CHD9: variants seen among roughly 807,000 people sequenced by gnomAD.
The protein encoded by CHD9 is chromodomain helicase DNA binding protein 9.
A neutral mutation model predicts 316.1 loss-of-function variants in CHD9; 77 were observed. That is an observed-to-expected ratio of 0.24 (90% CI 0.20 to 0.29). The LOEUF is 0.29. CHD9 is among the 10% of genes least tolerant of loss of function. The pLI is 1.00. For missense variants in CHD9, 2,763 were observed against 3,438.1 expected (o/e 0.80, Z 4.91); for synonymous variants, 1,129 against 1,158.3 (o/e 0.97, Z 0.51).
chr16:53,115,807 T>C (rs1414231028), intron 1 of CHD9, among the ~76,000 whole-genome samples: 3 of 152,146 alleles, frequency 2.0e-5, no homozygotes, highest in South Asian at 4.1e-4. Flanking sequence ...AGGACTGCGG[T>C]TAAGTGTTAG....
intron 27 of CHD9, among the ~76,000 whole-genome samples, chr16:53,289,856 T>C (rs549351911): frequency 6.6e-6 from 1 of 152,222 alleles, no homozygotes; most frequent in Admixed American, 6.5e-5. Flanking sequence ...TGGCTGTAAA[T>C]CTGCCCTGTA....
rs867085947 is a variant in CHD9 at position 53,229,096 on chromosome 16, C to T, written c.2282C>T (p.Ala761Val). The T allele has an allele frequency of 6.5e-7, 1 of 1,533,504 alleles. No homozygotes were observed. Among genetic ancestry groups the T allele is most frequent in the Non-Finnish European group, 8.9e-7 (1 of 1,124,902 alleles). The allele number at this position is 1,533,504 out of a possible 1,614,324, so 95.0% of individuals were successfully genotyped here. ...CAAGCACAAAGAGCACATTTTTTTG[C>T]AGACGTAAGAAAAAAATAAATAAGA... is the stretch of plus-strand genomic sequence containing the variant. Reference protein sequence around the residue: ...LRQAQRAHFFADMEEEPFNPD... With the variant: ...LRQAQRAHFFVDMEEEPFNPD... Residue 761 changes from alanine to valine, a missense_variant, in exon 8 of 39, where the codon GCA (alanine) becomes GTA (valine). Ala to Val is a moderately conservative substitution (Grantham distance 64). Around this residue, in one of 15 missense-constraint regions of CHD9, gnomAD observed 859 missense variants for 890.4 expected, o/e 0.96. Transcript: ENST00000447540.
chr16:53,298,369 TGGGCACAATGG>T (rs1267931337), intron 30 of CHD9: 2 of 151,934 alleles, frequency 1.3e-5, no homozygotes, highest in African/African-American at 2.4e-5. Flanking sequence ...GATACCAGGC[TGGGCACAATGG>T]CTCATGCCTG....
At chr16:53,238,754 A>T (rs1567538959) in intron 12 of CHD9, among the ~76,000 whole-genome samples, 168 bp downstream of exon 12, 1 of 152,184 alleles carries the variant, frequency 6.6e-6, no homozygotes, top group Non-Finnish European at 1.5e-5. Context: ...TGAGCAGCTG[A>T]AGAGAACAAT....
chr16:53,146,403 T>G (rs536365561), intron 1 of CHD9, among the ~76,000 whole-genome samples: 1 of 31,626 alleles, frequency 3.2e-5, no homozygotes, highest in African/African-American at 1.7e-4. Context: ...AAAAAAAAAA[T>G]TGTGTGTGTG....
At chr16:53,257,616 G>T (rs559504190) in intron 19 of CHD9, among the ~76,000 whole-genome samples, 58 of 152,266 alleles carry the variant, frequency 3.8e-4, no homozygotes, top group African/African-American at 1.4e-3. Flanking sequence ...TTGTCTTTAA[G>T]ATAGAGAAGG....
chr16:53,237,034 C>T (rs1439137646), intron 11 of CHD9, among the ~76,000 whole-genome samples: 5 of 151,998 alleles, frequency 3.3e-5, no homozygotes, highest in Non-Finnish European at 4.4e-5. Context: ...TTTTTATTTG[C>T]CTCTTGCTAC....
At position 53,326,159 on chromosome 16, in the gene CHD9, G is replaced by A. The variant is rs984551075; in HGVS notation, c.*1264G>A. The A allele has an allele frequency of 5.2e-5, 8 of 152,424 alleles. No homozygotes were observed. The highest frequency in any genetic ancestry group is 1.9e-4 in the African/African-American group (8 of 41,428). The allele number at this position is 152,424 out of a possible 1,614,324, so 9.4% of individuals were successfully genotyped here. On this transcript the variant is annotated 3_prime_UTR_variant, in exon 39 of 39. Coordinates refer to ENST00000447540, the MANE Select transcript of CHD9 (RefSeq NM_001308319.2). Reference sequence around the variant, plus strand: ...GTAAAATTTGTCTGATATTTGATTTGTGATACAATTTCTCCTGCTAAAGCT... The same window carrying A: ...GTAAAATTTGTCTGATATTTGATTTATGATACAATTTCTCCTGCTAAAGCT...
intron 2 of CHD9, chr16:53,208,252 C>T: frequency 1.6e-6 from 2 of 1,216,378 alleles, no homozygotes; most frequent in Non-Finnish European, 2.1e-6. Context: ...TCTTTCAATG[C>T]TTTTTTCTTG....
At chr16:53,179,025 A>G in intron 2 of CHD9, among the ~76,000 whole-genome samples, 1 of 151,532 alleles carries the variant, frequency 6.6e-6, no homozygotes, top group Non-Finnish European at 1.5e-5. Flanking sequence ...CCTGTTTCTA[A>G]AAAAAAAATT....
chr16:53,220,233 T>C (rs569862860), intron 3 of CHD9, among the ~76,000 whole-genome samples: 16 of 152,350 alleles, frequency 1.1e-4, no homozygotes, highest in African/African-American at 3.6e-4. Context: ...CTTACTGTTA[T>C]TTACTTTCTT....
chr16:53,149,021 C>G (rs2040870311), intron 1 of CHD9, among the ~76,000 whole-genome samples: 1 of 152,212 alleles, frequency 6.6e-6, no homozygotes, highest in East Asian at 1.9e-4. Flanking sequence ...TTCTTAGACC[C>G]ATTGATTGTG....
At chr16:53,079,105 A>C (rs2034795072) in intron 1 of CHD9, among the ~76,000 whole-genome samples, 1 of 152,174 alleles carries the variant, frequency 6.6e-6, no homozygotes, top group East Asian at 1.9e-4. Context: ...AGCGTTATAC[A>C]TACAGGAGCC....
chr16:53,273,879 C>A, intron 23 of CHD9, 94 bp downstream of exon 23: 1 of 1,175,224 alleles, frequency 8.5e-7, no homozygotes, highest in Non-Finnish European at 1.2e-6. Context: ...AGTACAGAGA[C>A]AGCATGGTCT....
At chr16:53,103,943 A>G (rs1383109807) in intron 1 of CHD9, among the ~76,000 whole-genome samples, 2 of 152,116 alleles carry the variant, frequency 1.3e-5, no homozygotes, top group East Asian at 1.9e-4. Context: ...CTGGAACACA[A>G]ATATGTTGAT....
chr16:53,078,041 T>G (rs796147456), intron 1 of CHD9, among the ~76,000 whole-genome samples: 16 of 152,238 alleles, frequency 1.1e-4, no homozygotes, highest in African/African-American at 3.6e-4. Context: ...ACCACTGCAC[T>G]CCGGCATGGG....
chr16:53,172,863 G>T (rs1469514421), intron 2 of CHD9, among the ~76,000 whole-genome samples: 2 of 152,002 alleles, frequency 1.3e-5, no homozygotes, highest in African/African-American at 4.8e-5. Flanking sequence ...TTACAAAATT[G>T]GGTTGTTTGA....
intron 2 of CHD9, among the ~76,000 whole-genome samples, chr16:53,199,190 TA>T (rs2045223762): frequency 6.6e-6 from 1 of 152,108 alleles, no homozygotes; most frequent in Non-Finnish European, 1.5e-5. Context: ...TGAAAACTGT[TA>T]CAGTCATAGT....
At chr16:53,317,157 C>A (rs1276090229) in intron 36 of CHD9, among the ~76,000 whole-genome samples, 3 of 127,490 alleles carry the variant, frequency 2.4e-5, no homozygotes, top group Non-Finnish European at 3.3e-5. Context: ...GAGCAAAACT[C>A]CATCTCAAAA....
Sources: allele counts gnomAD v4.1 joint callset (sites outside exome capture counted in the v4.1 genomes callset), GRCh38; gene constraint gnomAD v4.1.1; regional missense constraint gnomAD v4.1.1; transcripts MANE v1.5; gene names NCBI Gene and HGNC (gene_info 2026-07-23, HGNC 2026-07-21).